RICTOR: variants seen among roughly 807,000 people sequenced by gnomAD.
RICTOR encodes RPTOR independent companion of MTOR complex 2, also known as rapamycin-insensitive companion of mTOR.
Under a neutral mutation model 214.9 loss-of-function variants are expected in RICTOR, and 49 were observed. The observed-to-expected ratio is 0.23, with a 90% CI of 0.18 to 0.29. The LOEUF (loss-of-function observed/expected upper bound fraction) is 0.29. Ranked by LOEUF, RICTOR falls within the 10% of genes least tolerant of loss-of-function variation. The pLI is 1.00. For missense variants in RICTOR, 1,625 were observed against 2,047.0 expected (o/e 0.79, Z 3.98); for synonymous variants, 717 against 711.3 (o/e 1.01, Z -0.13).
Position 38,958,745 on chromosome 5 carries a change from T to C in RICTOR, c.2265A>G (p.Leu755=). The C allele has an allele frequency of 6.2e-7, 1 of 1,611,432 alleles. No individual in the cohort carries two copies. Reference sequence around the variant, plus strand: ...TGTTTTTATCATGTAGCTGGGTCACTAACAACTCAATTCCCCAATTATTAA... The same window carrying C: ...TGTTTTTATCATGTAGCTGGGTCACCAACAACTCAATTCCCCAATTATTAA... ...EFFNNWGIEL[L]VTQLHDKNKT... The change falls in exon 23 of 38, where the codon TTA becomes TTG. Residue 755 remains leucine (L), a synonymous_variant. Transcript: ENST00000357387.
chr5:38,990,639 C>CAGATATATGATATATATCTGAT lies in RICTOR; in HGVS notation c.583+309_583+310insATCAGATATATATCATATATCT, dbSNP rs1490795665. 6.1e-5 allele frequency among the ~76,000 whole-genome samples: 5 copies of CAGATATATGATATATATCTGAT among 82,298 alleles called. 1 individual carries two copies. The highest frequency in any genetic ancestry group is 1.2e-4 in the Non-Finnish European group (5 of 40,798). 54.0% of individuals were successfully genotyped at this position (82,298 alleles called of 152,430 possible). ...TACGATATATGATATATATATCTGA[C>CAGATATATGATATATATCTGAT]ATATATCAGATATATGATATATATC... On this transcript the variant is annotated intron_variant, in intron 7 of 37. Transcript: ENST00000357387.
chr5:38,990,501 T>TACGATACATACACGATATATAC, intron 7 of RICTOR, among the ~76,000 whole-genome samples: 1 of 55,892 alleles, frequency 1.8e-5, no homozygotes, highest in South Asian at 4.5e-4. Flanking sequence ...AATACATATA[T>TACGATACATACACGATATATAC]ACGATATATA....
chr5:39,050,549 C>T (rs1279791317), intron 2 of RICTOR, among the ~76,000 whole-genome samples: 1 of 152,100 alleles, frequency 6.6e-6, no homozygotes, highest in African/African-American at 2.4e-5. Context: ...GTTTCCCAGG[C>T]TGGTCTCAAA....
chr5:39,007,887 A>G (rs1754202218), intron 3 of RICTOR, among the ~76,000 whole-genome samples: 1 of 150,386 alleles, frequency 6.6e-6, no homozygotes, highest in Non-Finnish European at 1.5e-5. Flanking sequence ...ATATACTGGT[A>G]ATGGGATTGA....
Position 38,964,862 on chromosome 5 carries a change from G to C in RICTOR, c.1330C>G (p.His444Asp). The C allele has an allele frequency of 6.2e-7, 1 of 1,607,060 alleles. No individual in the cohort carries two copies. Among genetic ancestry groups the C allele is most frequent in the South Asian group, 1.1e-5 (1 of 90,558 alleles). Residue 444 changes from histidine to aspartate, a missense_variant, in exon 16 of 38, where the codon CAT becomes GAT. By Grantham distance (81) the His-to-Asp change is moderately conservative (BLOSUM62 -1). This residue lies in a region of RICTOR where 1,214 missense variants were observed against 1,470.5 expected (regional missense o/e 0.83). Transcript: ENST00000357387. The stretch of plus-strand genomic sequence containing the variant: ...AGGGTTGGCAAGCAGTGTAAATGAT[G>C]GCTATGTGAATGAGGAAGAATTGTG... ...ANTILPHSHS[H>D]HLHCLPTLMN...
chr5:39,013,996 A>G (rs1328534535), intron 3 of RICTOR, among the ~76,000 whole-genome samples: 1 of 152,128 alleles, frequency 6.6e-6, no homozygotes, highest in Non-Finnish European at 1.5e-5. Flanking sequence ...TTTTTACTGT[A>G]TCTTTTCTAT....
chr5:39,013,786 G>A (rs1418528203), intron 3 of RICTOR, among the ~76,000 whole-genome samples: 1 of 152,042 alleles, frequency 6.6e-6, no homozygotes, highest in Non-Finnish European at 1.5e-5. Flanking sequence ...TTGGGATGTG[G>A]AAAGCAGCAA....
In RICTOR at chr5:38,939,776, C is replaced by T; in HGVS notation, c.*2528G>A. 1 of 226,564 alleles carries T rather than the reference C, an allele frequency of 4.4e-6. No individual in the cohort carries two copies. The highest frequency in any genetic ancestry group is 8.8e-6 in the Non-Finnish European group (1 of 113,850). 14.0% of individuals were successfully genotyped at this position (226,564 alleles called of 1,614,324 possible). A position where few individuals can be genotyped will look rare whatever the true frequency, so the allele number is the denominator to read the frequency against. On this transcript the variant is annotated 3_prime_UTR_variant, in exon 38 of 38. Coordinates refer to ENST00000357387, the MANE Select transcript of RICTOR (RefSeq NM_152756.5). ...ACAGTATTGACATTATTTTGGTATT[C>T]TATAGTCTGTAATATCTATTATTTA...
chr5:38,960,525 C>T lies in RICTOR; in HGVS notation c.1724G>A (p.Arg575Gln), dbSNP rs376491170. 26 of 1,612,540 alleles carry T rather than the reference C, an allele frequency of 1.6e-5. No individual in the cohort carries two copies. Among genetic ancestry groups the T allele is most frequent in the African/African-American group, 4.0e-5 (3 of 74,958 alleles). Reference protein sequence around the residue: ...YKDEQLHRFVRRLLYFYKPSS... With the variant: ...YKDEQLHRFVQRLLYFYKPSS... ...GGGCTTGTAAAAATAAAGTAGTCTT[C>T]GTACAAACCTAAAATCAAAACACAA... The change falls in exon 20 of 38, where the codon CGA becomes CAA. Residue 575 changes from arginine to glutamine, a missense_variant. Physicochemically the swap from Arg to Gln is conservative, Grantham distance 43. This residue lies in a region of RICTOR where 1,214 missense variants were observed against 1,470.5 expected (regional missense o/e 0.83). Coordinates refer to ENST00000357387, the MANE Select transcript of RICTOR (RefSeq NM_152756.5).
chr5:39,043,866 C>T (rs1042048505), intron 2 of RICTOR, among the ~76,000 whole-genome samples: 1 of 152,144 alleles, frequency 6.6e-6, no homozygotes, highest in African/African-American at 2.4e-5. Flanking sequence ...CATGTGATAA[C>T]CTGTGCCACC....
At chr5:38,956,164 A>G (rs1165738382) in intron 25 of RICTOR, among the ~76,000 whole-genome samples, 1 of 151,926 alleles carries the variant, frequency 6.6e-6, no homozygotes, top group Non-Finnish European at 1.5e-5. Context: ...CATCTAATCA[A>G]CCTAACTACC....
At chr5:39,064,426 TGGGAGA>T (rs1363389105) in intron 2 of RICTOR, among the ~76,000 whole-genome samples, 1 of 152,234 alleles carries the variant, frequency 6.6e-6, no homozygotes, top group African/African-American at 2.4e-5. Flanking sequence ...CAATCTATTG[TGGGAGA>T]GAAAAGAACA....
intron 31 of RICTOR, chr5:38,949,509 T>G (rs532959967): frequency 7.7e-7 from 1 of 1,304,242 alleles, no homozygotes; most frequent in African/African-American, 1.5e-5. Flanking sequence ...TTTCAGGGCC[T>G]ATAGGATTTT....
chr5:39,018,453 C>G (rs1755138272), intron 3 of RICTOR, among the ~76,000 whole-genome samples: 1 of 152,098 alleles, frequency 6.6e-6, no homozygotes, highest in African/African-American at 2.4e-5. Flanking sequence ...TTGTGGCAAA[C>G]CTGCTTCAAG....
chr5:38,959,328 AG>A lies in RICTOR; in HGVS notation c.2052-8del. On this transcript the variant is annotated splice_region_variant and splice_polypyrimidine_tract_variant and intron_variant, in intron 21 of 37. Coordinates refer to ENST00000357387, the MANE Select transcript of RICTOR (RefSeq NM_152756.5). Reference sequence around the variant, plus strand: ...GGAGCAAAGATTAAGGAGACTTAAAAGAAAAAAAAAATAAGAATGGTTAAAA... The same window carrying A: ...GGAGCAAAGATTAAGGAGACTTAAAAAAAAAAAAAATAAGAATGGTTAAAA... 6.8e-7 allele frequency: 1 copy of A among 1,469,136 alleles called. No individual in the cohort carries two copies. The highest frequency in any genetic ancestry group is 9.3e-7 in the Non-Finnish European group (1 of 1,080,632). 91.0% of individuals were successfully genotyped at this position (1,469,136 alleles called of 1,614,324 possible). A position where few individuals can be genotyped will look rare whatever the true frequency, so the allele number is the denominator to read the frequency against.
rs199746232 is a variant in RICTOR, at chr5:39,002,415, T to G, written c.392+120A>C. 6.3e-3 allele frequency: 2,482 copies of G among 391,580 alleles called. 52 individuals carry two copies. Among genetic ancestry groups the G allele is most frequent in the African/African-American group, 0.054 (2,183 of 40,446 alleles). 24.3% of individuals were successfully genotyped at this position (391,580 alleles called of 1,614,324 possible). On this transcript the variant is annotated intron_variant, in intron 5 of 37. Transcript: ENST00000357387. ...GTGTGTGTGTGTATATATATATATATACACACACACAAAATTCATCAAAGT... is the reference window on the plus strand; with the variant it reads ...GTGTGTGTGTGTATATATATATATAGACACACACACAAAATTCATCAAAGT...
intron 6 of RICTOR, 100 bp downstream of exon 6, chr5:38,996,719 C>G (rs1753204294): frequency 1.5e-6 from 1 of 682,248 alleles, no homozygotes; most frequent in Admixed American, 2.5e-5. Flanking sequence ...AAAGTTTAGT[C>G]TTTAATCTTA....
intron 2 of RICTOR, among the ~76,000 whole-genome samples, chr5:39,024,759 T>G (rs1039968931): frequency 6.6e-6 from 1 of 152,242 alleles, no homozygotes; most frequent in Non-Finnish European, 1.5e-5. Flanking sequence ...TCTGAAAAGA[T>G]AGATTCCTTA....
chr5:38,961,622 A>G (rs1749802423), intron 19 of RICTOR, among the ~76,000 whole-genome samples: 1 of 152,162 alleles, frequency 6.6e-6, no homozygotes, highest in African/African-American at 2.4e-5. Context: ...GTTCTCAAGG[A>G]GTATAAAAAG....
Sources: allele counts gnomAD v4.1 joint callset (sites outside exome capture counted in the v4.1 genomes callset), GRCh38; gene constraint gnomAD v4.1.1; regional missense constraint gnomAD v4.1.1; transcripts MANE v1.5; gene names NCBI Gene and HGNC (gene_info 2026-07-23, HGNC 2026-07-21).